The following RAB5C variants were observed in gnomAD, a reference collection of about 807,000 sequenced individuals.
The protein encoded by RAB5C is RAB5C, member RAS oncogene family, also known as ras-related protein Rab-5C.
In RAB5C, 4 loss-of-function variants were observed where a neutral mutation model predicts 25.2. The ratio of observed to expected loss-of-function variants is 0.16; its 90% CI spans 0.08 to 0.36. The LOEUF (loss-of-function observed/expected upper bound fraction) is 0.36. Among genes scored for constraint, RAB5C ranks in the 10% least tolerant of loss-of-function variants. The pLI, the probability that RAB5C is intolerant of heterozygous loss-of-function variation, is 1.00. For synonymous variants in RAB5C, 100 were observed against 106.4 expected, an observed-to-expected ratio of 0.94 and a Z score of 0.37; for missense variants, 199 against 283.8, an observed-to-expected ratio of 0.70 and a Z score of 2.15.
chr17:42,130,392 G>C lies in RAB5C; in HGVS notation c.111C>G (p.Leu37=). 1 of 1,614,064 alleles carries C rather than the reference G, an allele frequency of 6.2e-7. No homozygotes were observed. ...LGESAVGKSS[L]VLRFVKGQFH... is the part of the protein sequence containing the mutation. ...ACTGTCCCTTGACAAAGCGGAGGACGAGGCTGGATTTGCCTACCGCAGACT... is the reference window on the plus strand; with the variant it reads ...ACTGTCCCTTGACAAAGCGGAGGACCAGGCTGGATTTGCCTACCGCAGACT... Residue 37 remains leucine (L), a synonymous_variant, in exon 2 of 6, where the codon CTC becomes CTG. Coordinates refer to ENST00000346213, the MANE Select transcript of RAB5C (RefSeq NM_004583.4).
intron 1 of RAB5C, among the ~76,000 whole-genome samples, chr17:42,131,416 C>T (rs776232230): frequency 1.2e-4 from 18 of 150,602 alleles, no homozygotes; most frequent in African/African-American, 2.9e-4. Flanking sequence ...ACACACACAC[C>T]GGAACAAATA....
rs202148841 is a variant in RAB5C at position 42,143,704 on chromosome 17, AG to A, written c.-89+11188del. On this transcript the variant is annotated intron_variant, in intron 1 of 5. Coordinates refer to ENST00000346213, the MANE Select transcript of RAB5C (RefSeq NM_004583.4). ...AAAAACAAAAATCCTCACAATGACTAGGCAGGTCAAAGGAGGCTAAAAGAGC... is the reference window on the plus strand; with the variant it reads ...AAAAACAAAAATCCTCACAATGACTAGCAGGTCAAAGGAGGCTAAAAGAGC... Among the ~76,000 whole-genome samples the A allele has an allele frequency of 1.7e-3, 260 of 152,340 alleles. 5 individuals are homozygous for A. The highest frequency in any genetic ancestry group is 0.015 in the Admixed American group (222 of 15,302).
intron 1 of RAB5C, among the ~76,000 whole-genome samples, chr17:42,144,597 A>G (rs1027629366): frequency 1.3e-5 from 2 of 152,022 alleles, no homozygotes; most frequent in Non-Finnish European, 2.9e-5. Flanking sequence ...GTGGATCACG[A>G]GGTCAGGAAC....
chr17:42,130,716 C>T, intron 1 of RAB5C, 126 bp from the exon 2 acceptor site: 1 of 1,168,870 alleles, frequency 8.6e-7, no homozygotes, highest in South Asian at 1.7e-5. Context: ...CCTCACCTCA[C>T]CTCCCTGCCC....
chr17:42,129,171 C>T (rs557888038), intron 2 of RAB5C, among the ~76,000 whole-genome samples: 14 of 152,244 alleles, frequency 9.2e-5, no homozygotes, highest in African/African-American at 2.6e-4. Context: ...CCTCCTCCTC[C>T]GCCACTCAGA....
rs548861875 is a variant in RAB5C, at chr17:42,145,034, G to A, written c.-89+9859C>T. On this transcript the variant is annotated intron_variant, in intron 1 of 5. Transcript: ENST00000346213. ...AAAAAAATTAGCCGGGTGTGGTGGC[G>A]CGCGCCTATAGGCCTGTAGTCCCAG... is the stretch of plus-strand genomic sequence containing the variant. Among the ~76,000 whole-genome samples the A allele has an allele frequency of 4.1e-5, 6 of 145,492 alleles. 1 individual carries two copies. In the South Asian group the frequency reaches 6.8e-4, roughly 17 times the overall value.
chr17:42,135,378 C>A (rs531069777), intron 1 of RAB5C, among the ~76,000 whole-genome samples: 3 of 152,032 alleles, frequency 2.0e-5, no homozygotes, highest in Admixed American at 2.0e-4. Flanking sequence ...CTATTTCAGC[C>A]TCCAGTCAAA....
chr17:42,145,433 G>A (rs2079629978), intron 1 of RAB5C, among the ~76,000 whole-genome samples: 1 of 152,148 alleles, frequency 6.6e-6, no homozygotes, highest in Non-Finnish European at 1.5e-5. Context: ...GACATGATGT[G>A]ATGAAAATAG....
chr17:42,130,750 C>T (rs957975052), intron 1 of RAB5C, among the ~76,000 whole-genome samples, 160 bp from the exon 2 acceptor site: 1 of 151,586 alleles, frequency 6.6e-6, no homozygotes, highest in Non-Finnish European at 1.5e-5. Flanking sequence ...TCAGGAGGCC[C>T]CACTGGGCTA....
intron 1 of RAB5C, chr17:42,136,378 A>G (rs979012561): frequency 5.9e-5 from 9 of 152,210 alleles, no homozygotes; most frequent in Non-Finnish European, 1.3e-4. Context: ...TTGCAGACCC[A>G]GAGGAAAGAA....
chr17:42,128,489 C>A (rs1463380089), intron 3 of RAB5C, 106 bp from the exon 4 acceptor site: 2 of 1,474,170 alleles, frequency 1.4e-6, no homozygotes, highest in East Asian at 5.0e-5. Context: ...TAAGACATTG[C>A]CACCTAAAGA....
chr17:42,140,188 C>T lies in RAB5C; in HGVS notation c.-88-9598G>A, dbSNP rs116717845. ...CTGTTCATCCAGCCACTCACACCAG[C>T]GGACACCTCTCCAAAACCCTTCCCG... On this transcript the variant is annotated intron_variant, in intron 1 of 5. Transcript: ENST00000346213. 4.8e-3 allele frequency among the ~76,000 whole-genome samples: 738 copies of T among 152,202 alleles called. 3 individuals are homozygous for T. The highest frequency in any genetic ancestry group is 0.017 in the African/African-American group (705 of 41,550).
intron 1 of RAB5C, among the ~76,000 whole-genome samples, chr17:42,138,512 T>C (rs1483011030): frequency 6.6e-6 from 1 of 152,198 alleles, no homozygotes; most frequent in Non-Finnish European, 1.5e-5. Flanking sequence ...TGACCCTTTT[T>C]CCAGCGGAAA....
intron 1 of RAB5C, among the ~76,000 whole-genome samples, chr17:42,147,229 G>A (rs1300428900): frequency 6.6e-6 from 1 of 152,108 alleles, no homozygotes; most frequent in Non-Finnish European, 1.5e-5. Flanking sequence ...GCAGGCACAG[G>A]ACCAGGGAAT....
intron 1 of RAB5C, among the ~76,000 whole-genome samples, chr17:42,149,687 G>A (rs891267117): frequency 2.6e-5 from 4 of 151,978 alleles, no homozygotes; most frequent in South Asian, 2.1e-4. Flanking sequence ...ATATTAAAAC[G>A]CTTACAACTA....
At chr17:42,125,995 T>A in intron 5 of RAB5C, 97 bp from the exon 6 acceptor site, 2 of 847,822 alleles carry the variant, frequency 2.4e-6, no homozygotes, top group Non-Finnish European at 3.8e-6. Context: ...CAATCAGTGG[T>A]AACTCACATA....
intron 1 of RAB5C, among the ~76,000 whole-genome samples, chr17:42,130,918 TGACAGCCTGG>T (rs2054479054): frequency 6.6e-6 from 1 of 152,084 alleles, no homozygotes; most frequent in Non-Finnish European, 1.5e-5. Context: ...AATGAATGTG[TGACAGCCTGG>T]TGACAGTTAA....
At chr17:42,137,522 C>T (rs16967541) in intron 1 of RAB5C, among the ~76,000 whole-genome samples, 4,626 of 152,170 alleles carry the variant, frequency 0.03, 165 homozygotes, top group African/African-American at 0.086. Flanking sequence ...AGCTTGGAAA[C>T]GATATGAATG....
rs563492931 is a variant in RAB5C at position 42,144,235 on chromosome 17, T to G, written c.-89+10658A>C. Among the ~76,000 whole-genome samples the G allele has an allele frequency of 9.3e-5, 14 of 150,636 alleles. No individual in the cohort carries two copies. The South Asian group carries it at 1.5e-3, about 16-fold the overall frequency. ...ACTTTGGGAGGCCGAGGCAGGTGGATCACCTGAGGCCTGGAGCTTGAGACC... is the reference window on the plus strand; with the variant it reads ...ACTTTGGGAGGCCGAGGCAGGTGGAGCACCTGAGGCCTGGAGCTTGAGACC... On this transcript the variant is annotated intron_variant, in intron 1 of 5. Coordinates refer to ENST00000346213, the MANE Select transcript of RAB5C (RefSeq NM_004583.4).
Sources: gnomAD v4.1 joint callset for allele counts (sites outside exome capture counted in the v4.1 genomes callset) on GRCh38, gnomAD v4.1.1 for gene constraint, MANE v1.5 for transcripts, NCBI Gene and HGNC (gene_info 2026-07-23, HGNC 2026-07-21) for gene names.